Variants in ANKRD27 observed in about 807,000 individuals in gnomAD.
ANKRD27 encodes ankyrin repeat domain-containing protein 27.
ANKRD27 carries 112 observed loss-of-function variants against 129.7 expected under a neutral mutation model. The observed-to-expected ratio is 0.86, with a 90% confidence interval of 0.74 to 1.01. The LOEUF is 1.01. Ranked by LOEUF, ANKRD27 falls within the 50% of genes least tolerant of loss-of-function variation. ANKRD27 has a pLI of 0.00. For synonymous variants in ANKRD27, 516 were observed against 511.2 expected, an observed-to-expected ratio of 1.01 and a Z score of -0.13; for missense variants, 1,258 against 1,300.5, an observed-to-expected ratio of 0.97 and a Z score of 0.50.
At chr19:32,636,682 T>G (rs1433254265) in intron 12 of ANKRD27, among the ~76,000 whole-genome samples, 5 of 150,780 alleles carry the variant, frequency 3.3e-5, no homozygotes, top group Non-Finnish European at 5.9e-5. Context: ...AGGAAAAAAT[T>G]AAGCTATTCT....
Position 32,644,368 on chromosome 19 carries a change from C to A in ANKRD27, c.482G>T (p.Arg161Leu). ...CTTTCTCTCGCATTCTCGGAATGTT[C>A]GATGGAAAGAGGCGATGTTCCTGTC... ...RFDRNIASFH[R>L]TFRECERKSL... Residue 161 changes from arginine (R) to leucine (L), a missense_variant, in exon 5 of 29, where the codon CGA becomes CTA. Transcript: ENST00000306065. The A allele has an allele frequency of 6.2e-7, 1 of 1,613,814 alleles. No homozygotes were observed. The highest frequency in any genetic ancestry group is 1.1e-5 in the South Asian group (1 of 91,050).
Position 32,659,026 on chromosome 19 carries a change from G to A in ANKRD27, c.-11C>T. ...ATCATACAGAGCCATATGGACTTCA[G>A]ATGGGTCAGAGCAAATCTCCTGCAA... On this transcript the variant is annotated 5_prime_UTR_variant, in exon 2 of 29. Coordinates refer to ENST00000306065, the MANE Select transcript of ANKRD27 (RefSeq NM_032139.3). The A allele has an allele frequency of 2.5e-6, 4 of 1,594,204 alleles. No individual in the cohort carries two copies. Among genetic ancestry groups the A allele is most frequent in the Non-Finnish European group, 3.4e-6 (4 of 1,162,026 alleles).
intron 22 of ANKRD27, among the ~76,000 whole-genome samples, chr19:32,609,923 C>A (rs1971809002): frequency 1.3e-5 from 2 of 152,122 alleles, no homozygotes; most frequent in African/African-American, 4.8e-5. Flanking sequence ...CGCCTATAAT[C>A]TCAGCACTTT....
intron 17 of ANKRD27, among the ~76,000 whole-genome samples, chr19:32,625,438 T>TC: frequency 6.7e-6 from 1 of 148,328 alleles, no homozygotes; most frequent in East Asian, 1.9e-4. Flanking sequence ...ACATTCTCTT[T>TC]TTTTTTTTTT....
At chr19:32,640,999 C>T (rs1294032804) in intron 10 of ANKRD27, among the ~76,000 whole-genome samples, 1 of 151,964 alleles carries the variant, frequency 6.6e-6, no homozygotes, top group Non-Finnish European at 1.5e-5. Context: ...CCCGGGTTCA[C>T]GCCACTCTCC....
chr19:32,661,390 A>G (rs259257), intron 1 of ANKRD27, among the ~76,000 whole-genome samples: 121,791 of 151,988 alleles, frequency 0.8, 49,283 homozygotes, highest in African/African-American at 0.91. Context: ...GAGTCCAATG[A>G]CATGATCGTA....
At chr19:32,638,046 G>GAAGGCAGACACGCTTCTGGGTGGA (rs1967124455) in intron 12 of ANKRD27, 1 of 152,404 alleles carries the variant, frequency 6.6e-6, no homozygotes, top group African/African-American at 2.4e-5. Context: ...GATGGTGGCA[G>GAAGGCAGACACGCTTCTGGGTGGA]AAGGCAGACA....
In ANKRD27 at chr19:32,658,899, G is replaced by A; in HGVS notation, c.102+15C>T. 1 of 1,607,620 alleles carries A rather than the reference G, an allele frequency of 6.2e-7. No individual in the cohort carries two copies. Among genetic ancestry groups the A allele is most frequent in the Non-Finnish European group, 8.5e-7 (1 of 1,174,180 alleles). Reference sequence around the variant, plus strand: ...ATTCATGCCTCAGGACAACCCCGAGGCTCAGTGCACTTACAATGCCATGGA... The same window carrying A: ...ATTCATGCCTCAGGACAACCCCGAGACTCAGTGCACTTACAATGCCATGGA... On this transcript the variant is annotated intron_variant, in intron 2 of 28. Coordinates refer to ENST00000306065, the MANE Select transcript of ANKRD27 (RefSeq NM_032139.3).
At chr19:32,635,723 A>G (rs1292224080) in intron 12 of ANKRD27, among the ~76,000 whole-genome samples, 1 of 152,078 alleles carries the variant, frequency 6.6e-6, no homozygotes, top group African/African-American at 2.4e-5. Flanking sequence ...ATGACCCCCA[A>G]TTTCACTGGC....
At chr19:32,674,431 C>T (rs774224969) in intron 1 of ANKRD27, among the ~76,000 whole-genome samples, 2 of 152,184 alleles carry the variant, frequency 1.3e-5, no homozygotes, top group African/African-American at 2.4e-5. Context: ...CCTCGTGGGG[C>T]AGCCAAGGGG....
chr19:32,626,501 TCTTGTCC>T (rs1972093102), intron 16 of ANKRD27, among the ~76,000 whole-genome samples: 1 of 151,884 alleles, frequency 6.6e-6, no homozygotes, highest in African/African-American at 2.4e-5. Flanking sequence ...AACCTAACGA[TCTTGTCC>T]AGGAGACTCA....
intron 2 of ANKRD27, among the ~76,000 whole-genome samples, chr19:32,656,732 C>T: frequency 6.6e-6 from 1 of 151,566 alleles, no homozygotes; most frequent in East Asian, 1.9e-4. Flanking sequence ...CTGCAGTGAG[C>T]CGTGTTCATG....
At chr19:32,663,972 C>T (rs1489633774) in intron 1 of ANKRD27, among the ~76,000 whole-genome samples, 3 of 141,548 alleles carry the variant, frequency 2.1e-5, no homozygotes, top group Admixed American at 7.5e-5. Flanking sequence ...AGGAGAATGG[C>T]GTGAACCCAG....
intron 3 of ANKRD27, among the ~76,000 whole-genome samples, chr19:32,647,875 TTAGA>T (rs1291452156): frequency 3.3e-5 from 5 of 152,200 alleles, no homozygotes; most frequent in Non-Finnish European, 7.3e-5. Flanking sequence ...CTTCCATCTC[TTAGA>T]TAGGGAGAGC....
intron 16 of ANKRD27, among the ~76,000 whole-genome samples, 165 bp from the exon 17 acceptor site, chr19:32,626,131 G>GA (rs1025915609): frequency 6.6e-6 from 1 of 152,126 alleles, no homozygotes; most frequent in African/African-American, 2.4e-5. Context: ...AGAGACTGAA[G>GA]AAAAAAGTCT....
chr19:32,616,458 C>T (rs1568400596), intron 21 of ANKRD27, among the ~76,000 whole-genome samples: 1 of 148,294 alleles, frequency 6.7e-6, no homozygotes, highest in South Asian at 2.1e-4. Context: ...GAGGCTGAAG[C>T]AGGAGAATTG....
At chr19:32,627,385 TATTTATTTATTTA>T (rs1305634986) in intron 15 of ANKRD27, among the ~76,000 whole-genome samples, 1 of 121,282 alleles carries the variant, frequency 8.2e-6, no homozygotes, top group Non-Finnish European at 1.8e-5. Flanking sequence ...TTTATTTATT[TATTTATTTATTTA>T]TTTATTTATT....
chr19:32,626,048 C>A (rs1972085909), intron 16 of ANKRD27, 82 bp from the exon 17 acceptor site: 1 of 1,029,348 alleles, frequency 9.7e-7, no homozygotes, highest in Non-Finnish European at 1.4e-6. Context: ...AGGGGGAGGT[C>A]ATTTGCTCCC....
chr19:32,642,486 TC>T (rs1190026611), intron 9 of ANKRD27, among the ~76,000 whole-genome samples: 1 of 152,162 alleles, frequency 6.6e-6, no homozygotes, highest in Admixed American at 6.5e-5. Context: ...ACGCCTGTAA[TC>T]CCAGCACTTG....
Sources: allele counts gnomAD v4.1 joint callset (sites outside exome capture counted in the v4.1 genomes callset), GRCh38; gene constraint gnomAD v4.1.1; transcripts MANE v1.5; gene names NCBI Gene and HGNC (gene_info 2026-07-23, HGNC 2026-07-21).